The following HSPA12A variants were observed in gnomAD, a reference collection of about 807,000 sequenced individuals.
The protein encoded by HSPA12A is heat shock protein family A (Hsp70) member 12A.
A neutral mutation model predicts 69.2 loss-of-function variants in HSPA12A; 28 were observed. The observed-to-expected ratio is 0.40, with a 90% CI of 0.30 to 0.55. The LOEUF is 0.55. Among genes scored for constraint, HSPA12A ranks in the 20% least tolerant of loss-of-function variants. The probability of loss-of-function intolerance (pLI) is 0.38; values close to 1 mark genes in which losing one functional copy is unlikely to be tolerated. For missense variants in HSPA12A, 686 were observed against 900.7 expected, an observed-to-expected ratio of 0.76 and a Z score of 3.05; for synonymous variants, 345 against 370.5, an observed-to-expected ratio of 0.93 and a Z score of 0.79.
At chr10:116,769,208 C>T (rs1844144500) in intron 2 of HSPA12A, among the ~76,000 whole-genome samples, 1 of 152,184 alleles carries the variant, frequency 6.6e-6, no homozygotes, top group South Asian at 2.1e-4. Context: ...TGTGAGGTCA[C>T]TTGGACTCTA....
intron 1 of HSPA12A, among the ~76,000 whole-genome samples, chr10:116,727,933 G>GTTT (rs1564798128): frequency 1.1e-4 from 12 of 108,316 alleles, no homozygotes; most frequent in South Asian, 9.9e-4. Flanking sequence ...AATTTTTTTG[G>GTTT]GGGGGGGACA....
chr10:116,702,250 A>T (rs1850099616), intron 3 of HSPA12A, among the ~76,000 whole-genome samples: 1 of 152,098 alleles, frequency 6.6e-6, no homozygotes, highest in Non-Finnish European at 1.5e-5. Context: ...CAAGAGGCCA[A>T]GCTGTTCCCT....
chr10:116,850,043 G>T, upstream of HSPA12A: 1 of 528,264 alleles, frequency 1.9e-6, no homozygotes, highest in East Asian at 3.7e-5. Flanking sequence ...CTCCGTTTGT[G>T]GGCCGGCCCA....
upstream of HSPA12A, among the ~76,000 whole-genome samples, chr10:116,850,539 T>G (rs1334967492): frequency 6.6e-6 from 1 of 151,858 alleles, no homozygotes; most frequent in Non-Finnish European, 1.5e-5. Context: ...CTGGGGCCCC[T>G]AGGAGTTTGC....
rs376261288 is a variant in HSPA12A, at chr10:116,683,793, T to G, written c.833A>C (p.Gln278Pro). ...GSDTVGAGFT[Q>P]AKEHIRRNRQ... ...GGGGAGAGAGAGAGCAGAGGTACCC[T>G]GTGTAAACCCAGCTCCTACTGTGTC... is the stretch of plus-strand genomic sequence containing the variant. Residue 278 changes from glutamine to proline, a missense_variant and splice_region_variant, in exon 7 of 12, where the codon CAG (glutamine) becomes CCG (proline). By Grantham distance (76) the Gln-to-Pro change is moderately conservative. Coordinates refer to ENST00000369209, the MANE Select transcript of HSPA12A (RefSeq NM_025015.3). 5 of 1,548,164 alleles carry G rather than the reference T, an allele frequency of 3.2e-6. No individual in the cohort carries two copies. In the African/African-American group the frequency reaches 6.8e-5, roughly 21 times the overall value.
upstream of HSPA12A, among the ~76,000 whole-genome samples, chr10:116,743,391 A>T (rs530018263): frequency 3.8e-3 from 576 of 152,302 alleles, 2 homozygotes; most frequent in Middle Eastern, 0.027. Flanking sequence ...TTGGCAAACG[A>T]GGGCAGTAAT....
chr10:116,692,383 C>T lies in HSPA12A; in HGVS notation c.631G>A (p.Ala211Thr), dbSNP rs781809567. 4 of 1,614,166 alleles carry T rather than the reference C, an allele frequency of 2.5e-6. No homozygotes were observed. Among genetic ancestry groups the T allele is most frequent in the African/African-American group, 1.3e-5 (1 of 75,064 alleles). The change falls in exon 6 of 12, where the codon GCC becomes ACC. Residue 211 changes from alanine (A) to threonine (T), a missense_variant. Coordinates refer to ENST00000369209, the MANE Select transcript of HSPA12A (RefSeq NM_025015.3). The part of the protein sequence containing the change: ...ITVPAIWKQP[A>T]KQFMRQAAYQ... ...GCAGCTTGTCTCATGAACTGCTTGG[C>T]CGGCTGCTTCCAGATGGCAGGCACC...
At chr10:116,795,557 G>A (rs2906813) in intron 2 of HSPA12A, among the ~76,000 whole-genome samples, 120,674 of 148,202 alleles carry the variant, frequency 0.81, 51,386 homozygotes, top group Non-Finnish European at 0.93. Context: ...GTGGTGGAAC[G>A]TGCCTGTAAT....
chr10:116,799,655 T>G lies in HSPA12A; in HGVS notation c.91+35280A>C, dbSNP rs570993500. Among the ~76,000 whole-genome samples, 3 of 152,314 alleles carry G rather than the reference T, an allele frequency of 2.0e-5. No individual in the cohort carries two copies. In the East Asian group the frequency reaches 5.8e-4, roughly 29 times the overall value. On this transcript the variant is annotated intron_variant, in intron 2 of 12. Coordinates refer to the HSPA12A transcript ENST00000635765. ...AATCTCAAAGCATGCTGCCCTGGCC[T>G]CCAGAGGTGGCCTGCTAAGCCCACA... is the stretch of plus-strand genomic sequence containing the variant.
intron 2 of HSPA12A, among the ~76,000 whole-genome samples, chr10:116,825,842 A>G (rs1845492275): frequency 6.6e-6 from 1 of 152,220 alleles, no homozygotes; most frequent in African/African-American, 2.4e-5. Flanking sequence ...CTTTGAGTGA[A>G]TTGTACTGCA....
At chr10:116,831,869 T>A (rs181726605) in intron 2 of HSPA12A, 6 of 152,330 alleles carry the variant, frequency 3.9e-5, no homozygotes, top group African/African-American at 1.4e-4. Flanking sequence ...TGGTCACTTT[T>A]TAGCACTCAA....
At chr10:116,795,772 ATAT>A (rs1242668253) in intron 2 of HSPA12A, among the ~76,000 whole-genome samples, 2 of 150,484 alleles carry the variant, frequency 1.3e-5, no homozygotes, top group African/African-American at 4.9e-5. Context: ...AGTATATCAT[ATAT>A]TATTATTTAT....
intron 1 of HSPA12A, among the ~76,000 whole-genome samples, chr10:116,734,779 G>T (rs1851264437): frequency 6.6e-6 from 1 of 151,660 alleles, no homozygotes; most frequent in Non-Finnish European, 1.5e-5. Flanking sequence ...AGATCACAAG[G>T]TCAGGAGATC....
chr10:116,702,909 A>C (rs1850120895), intron 3 of HSPA12A, among the ~76,000 whole-genome samples: 1 of 152,202 alleles, frequency 6.6e-6, no homozygotes, highest in Admixed American at 6.5e-5. Flanking sequence ...GTGCTTCATA[A>C]GTACCCCTCC....
At chr10:116,772,180 T>C (rs1401090877) in intron 2 of HSPA12A, among the ~76,000 whole-genome samples, 1 of 152,096 alleles carries the variant, frequency 6.6e-6, no homozygotes, top group Non-Finnish European at 1.5e-5. Context: ...AGTGGAGATG[T>C]CCAGATAAGG....
At chr10:116,773,466 T>C (rs986685198) in intron 2 of HSPA12A, among the ~76,000 whole-genome samples, 1 of 152,206 alleles carries the variant, frequency 6.6e-6, no homozygotes, top group African/African-American at 2.4e-5. Flanking sequence ...AGAGTGACAA[T>C]TGCCTTCGCA....
At chr10:116,764,187 G>A (rs1342507438) in intron 2 of HSPA12A, among the ~76,000 whole-genome samples, 1 of 152,142 alleles carries the variant, frequency 6.6e-6, no homozygotes, top group Non-Finnish European at 1.5e-5. Flanking sequence ...TACTTTTATG[G>A]AAGCCATAGC....
chr10:116,698,331 C>T (rs1849975728), intron 5 of HSPA12A: 1 of 262,058 alleles, frequency 3.8e-6, no homozygotes, highest in African/African-American at 2.2e-5. Flanking sequence ...TTCATTTCTT[C>T]TTTCATTTCT....
chr10:116,718,855 A>T (rs1424296532), intron 1 of HSPA12A, among the ~76,000 whole-genome samples: 1 of 151,930 alleles, frequency 6.6e-6, no homozygotes, highest in Non-Finnish European at 1.5e-5. Context: ...GAGGCCAGGC[A>T]ACCACTTAAC....
Sources: allele counts gnomAD v4.1 joint callset (sites outside exome capture counted in the v4.1 genomes callset), GRCh38; gene constraint gnomAD v4.1.1; transcripts MANE v1.5; gene names NCBI Gene and HGNC (gene_info 2026-07-23, HGNC 2026-07-21).